The following ACSBG1 variants were observed in gnomAD, a reference collection of about 807,000 sequenced individuals.
ACSBG1 encodes the protein acyl-CoA synthetase bubblegum family member 1.
A neutral mutation model predicts 80.2 loss-of-function variants in ACSBG1; 39 were observed. The ratio of observed to expected loss-of-function variants is 0.49; its 90% CI spans 0.38 to 0.64. The LOEUF (loss-of-function observed/expected upper bound fraction) is 0.64. ACSBG1 is among the 30% of genes least tolerant of loss of function. ACSBG1 has a pLI of 0.00. For synonymous variants in ACSBG1, 392 were observed against 379.5 expected (o/e 1.03, Z -0.38); for missense variants, 828 against 966.4 (o/e 0.86, Z 1.90).
At chr15:78,174,568 G>A (rs754182698) in intron 11 of ACSBG1, 44 bp from the exon 12 acceptor site, 2 of 1,588,462 alleles carry the variant, frequency 1.3e-6, no homozygotes, top group East Asian at 2.3e-5. Flanking sequence ...TGTAGTCCAG[G>A]TGCCCCAGCT....
chr15:78,205,147 G>A (rs889008554), intron 2 of ACSBG1, among the ~76,000 whole-genome samples: 2 of 151,888 alleles, frequency 1.3e-5, no homozygotes, highest in African/African-American at 4.8e-5. Context: ...ATCTAGAAAG[G>A]CCTAGAAAGT....
chr15:78,169,055 G>T lies in ACSBG1; in HGVS notation c.*2389C>A. ...CAGTCACTCTAAATGGACACCACAT[G>T]AACCTCTGTTTAGAATACCTACGTA... On this transcript the variant is annotated 3_prime_UTR_variant, in exon 14 of 14. Coordinates refer to ENST00000258873, the MANE Select transcript of ACSBG1 (RefSeq NM_015162.5). 1 of 1,170,058 alleles carries T rather than the reference G, an allele frequency of 8.5e-7. No homozygotes were observed. Among genetic ancestry groups the T allele is most frequent in the South Asian group, 1.3e-5 (1 of 78,286 alleles). 72.5% of individuals were successfully genotyped at this position (1,170,058 alleles called of 1,614,324 possible).
In ACSBG1 at chr15:78,230,018, T is replaced by C. The variant is rs547266084; in HGVS notation, c.131+4353A>G. Reference sequence around the variant, plus strand: ...ACAGCCTTTCAAACACAGGATGGACTGTCCTCTTCTGAGGTTCCTTCCAAG... The same window carrying C: ...ACAGCCTTTCAAACACAGGATGGACCGTCCTCTTCTGAGGTTCCTTCCAAG... On this transcript the variant is annotated intron_variant, in intron 1 of 13. Transcript: ENST00000258873. 3.6e-4 allele frequency among the ~76,000 whole-genome samples: 55 copies of C among 152,326 alleles called. No homozygotes were observed. In the South Asian group the frequency reaches 0.011, roughly 30 times the overall value.
chr15:78,194,415 C>A, intron 3 of ACSBG1, 91 bp downstream of exon 3: 1 of 1,210,292 alleles, frequency 8.3e-7, no homozygotes. Flanking sequence ...GAGCCTTGCC[C>A]AGTGGGCAGT....
intron 1 of ACSBG1, among the ~76,000 whole-genome samples, chr15:78,219,170 C>T (rs1461201785): frequency 6.6e-6 from 1 of 152,090 alleles, no homozygotes; most frequent in African/African-American, 2.4e-5. Flanking sequence ...TCTATGAGGT[C>T]CTTGGCACCT....
At chr15:78,186,918 G>T (rs1207873692) in intron 5 of ACSBG1, among the ~76,000 whole-genome samples, 1 of 152,078 alleles carries the variant, frequency 6.6e-6, no homozygotes, top group South Asian at 2.1e-4. Context: ...AAAATTGATA[G>T]ACCGCTAGCA....
At chr15:78,212,985 C>A (rs550103800) in intron 1 of ACSBG1, among the ~76,000 whole-genome samples, 1 of 152,196 alleles carries the variant, frequency 6.6e-6, no homozygotes, top group Non-Finnish European at 1.5e-5. Flanking sequence ...GCAGAGACTT[C>A]TGGCTACCAT....
At chr15:78,221,172 C>T (rs889682823) in intron 1 of ACSBG1, among the ~76,000 whole-genome samples, 3 of 152,030 alleles carry the variant, frequency 2.0e-5, no homozygotes, top group Admixed American at 6.6e-5. Context: ...CCCAGGGGAC[C>T]GGTACACTCA....
chr15:78,204,699 A>G (rs1471729654), intron 2 of ACSBG1, among the ~76,000 whole-genome samples: 1 of 152,174 alleles, frequency 6.6e-6, no homozygotes, highest in African/African-American at 2.4e-5. Flanking sequence ...CCCCCATCGG[A>G]GGCTGCGGGG....
Position 78,168,956 on chromosome 15 carries a change from G to A in ACSBG1, c.*2488C>T. On this transcript the variant is annotated 3_prime_UTR_variant, in exon 14 of 14. Transcript: ENST00000258873. ...AAAGATTTGGGAGGCAATGCAAAAT[G>A]CTCAGACTTCACAGAGGAAATCTGT... 6.2e-7 allele frequency: 1 copy of A among 1,603,914 alleles called. No individual in the cohort carries two copies. The highest frequency in any genetic ancestry group is 8.5e-7 in the Non-Finnish European group (1 of 1,171,766).
chr15:78,173,970 G>T, intron 12 of ACSBG1, 131 bp from the exon 13 acceptor site: 1 of 1,128,860 alleles, frequency 8.9e-7, no homozygotes, highest in Non-Finnish European at 1.2e-6. Flanking sequence ...GACGGTTCTA[G>T]AATGAGTAGC....
chr15:78,202,293 C>T (rs2075176511), intron 2 of ACSBG1, among the ~76,000 whole-genome samples: 1 of 152,108 alleles, frequency 6.6e-6, no homozygotes, highest in African/African-American at 2.4e-5. Flanking sequence ...TCACTGCAAC[C>T]CCTGCCTCCT....
Position 78,171,455 on chromosome 15 carries a change from G to C in ACSBG1, c.2164C>G (p.Gln722Glu), listed in dbSNP as rs2074820854. 7 of 1,613,432 alleles carry C rather than the reference G, an allele frequency of 4.3e-6. No homozygotes were observed. Among genetic ancestry groups the C allele is most frequent in the Non-Finnish European group, 5.1e-6 (6 of 1,179,672 alleles). ...KGIIDSFYQEQKM is the reference protein window; with the variant it reads ...KGIIDSFYQEEKM ...GGCATAGGCCCTGATTACATTTTTT[G>C]CTCTTGGTAAAAGGAGTCAATGATA... Residue 722 changes from glutamine (Q) to glutamate (E), a missense_variant, in exon 14 of 14, where the codon CAA (glutamine) becomes GAA (glutamate). Coordinates refer to ENST00000258873, the MANE Select transcript of ACSBG1 (RefSeq NM_015162.5).
At chr15:78,230,173 C>T (rs1454026166) in intron 1 of ACSBG1, among the ~76,000 whole-genome samples, 1 of 152,222 alleles carries the variant, frequency 6.6e-6, no homozygotes, top group Non-Finnish European at 1.5e-5. Flanking sequence ...GCATGGTCTA[C>T]AGCCACAGCC....
chr15:78,181,173 G>A (rs909432085), intron 8 of ACSBG1: 4 of 523,544 alleles, frequency 7.6e-6, no homozygotes, highest in African/African-American at 1.9e-5. Context: ...TCTCATCCCA[G>A]CCCTGAGCAT....
intron 1 of ACSBG1, among the ~76,000 whole-genome samples, chr15:78,215,790 A>AAG (rs1366772595): frequency 4.6e-4 from 68 of 147,638 alleles, no homozygotes; most frequent in Non-Finnish European, 7.7e-4. Context: ...AAGAAAGAGA[A>AAG]AGAAAGAGAG....
rs1427420361 is a variant in ACSBG1 at position 78,178,583 on chromosome 15, T to C, written c.1702+31A>G. 6.4e-7 allele frequency: 1 copy of C among 1,571,850 alleles called. No individual in the cohort carries two copies. The highest frequency in any genetic ancestry group is 8.6e-7 in the Non-Finnish European group (1 of 1,157,836). On this transcript the variant is annotated intron_variant, in intron 11 of 13. Transcript: ENST00000258873. The surrounding 1 kb of genome is among the most constrained non-coding windows in gnomAD (Gnocchi z 4.3). ...TCCCAAAGTGCTGGGATTACAGGCA[T>C]GAGCCACCGTGCCTGGCCTGGGGTG...
chr15:78,191,799 G>A (rs1332102926), intron 5 of ACSBG1, among the ~76,000 whole-genome samples: 1 of 152,176 alleles, frequency 6.6e-6, no homozygotes, highest in Non-Finnish European at 1.5e-5. Context: ...GGTGCATTAT[G>A]AAGGACATGG....
intron 3 of ACSBG1, among the ~76,000 whole-genome samples, chr15:78,194,230 C>A (rs956978768): frequency 2.6e-5 from 4 of 152,254 alleles, no homozygotes; most frequent in Non-Finnish European, 4.4e-5. Flanking sequence ...GTCTGTCCGG[C>A]CCCTCAGCCC....
Sources: gnomAD v4.1 joint callset for allele counts (sites outside exome capture counted in the v4.1 genomes callset) on GRCh38, gnomAD v4.1.1 for gene constraint, Gnocchi (gnomAD v3.1) non-coding constraint, MANE v1.5 for transcripts, NCBI Gene and HGNC (gene_info 2026-07-23, HGNC 2026-07-21) for gene names.